Variants in CYP4V2 observed in about 807,000 individuals in gnomAD.
The protein encoded by CYP4V2 is cytochrome P450 4V2.
CYP4V2 carries 55 observed loss-of-function variants against 60.8 expected under a neutral mutation model. The ratio of observed to expected loss-of-function variants is 0.90; its 90% CI spans 0.73 to 1.13. CYP4V2 has a LOEUF of 1.13. Ranked by LOEUF, CYP4V2 falls within the 50% of genes most tolerant of loss-of-function variation. The probability of loss-of-function intolerance (pLI) is 0.00; values close to 1 mark genes in which losing one functional copy is unlikely to be tolerated. For synonymous variants in CYP4V2, 239 were observed against 236.8 expected (o/e 1.01, Z -0.08); for missense variants, 675 against 662.9 (o/e 1.02, Z -0.20).
intron 3 of CYP4V2, 176 bp downstream of exon 3, chr4:186,196,264 G>C: frequency 1.5e-6 from 1 of 665,468 alleles, no homozygotes; most frequent in Non-Finnish European, 2.7e-6. Context: ...CCCGTCAAGA[G>C]GCCAAGAGTC....
intron 7 of CYP4V2, chr4:186,204,824 C>T (rs1336235946): frequency 5.7e-6 from 2 of 351,200 alleles, no homozygotes; most frequent in East Asian, 1.4e-4. Context: ...AGGTGAGGCC[C>T]ACCTGACAGA....
chr4:186,205,361 C>A, intron 8 of CYP4V2, 59 bp downstream of exon 8: 1 of 1,506,190 alleles, frequency 6.6e-7, no homozygotes, highest in Non-Finnish European at 9.2e-7. Flanking sequence ...AGAGATGTCA[C>A]TGTGTTGTAA....
Position 186,201,169 on chromosome 4 carries a change from C to T in CYP4V2, c.814C>T (p.Arg272Trp), listed in dbSNP as rs751518582. ...HTFTNSVIAE[R>W]ANEMNANEDC... ...TCAAATCATACAGGTCATCGCTGAA[C>T]GGGCCAATGAAATGAACGCCAATGA... The change falls in exon 7 of 11, where the codon CGG (arginine) becomes TGG (tryptophan). Residue 272 changes from arginine to tryptophan, a missense_variant. By Grantham distance (101) the Arg-to-Trp change is moderately radical. Coordinates refer to ENST00000378802, the MANE Select transcript of CYP4V2 (RefSeq NM_207352.4). 16 of 1,614,004 alleles carry T rather than the reference C, an allele frequency of 9.9e-6. No homozygotes were observed. Among genetic ancestry groups the T allele is most frequent in the Middle Eastern group, 1.6e-4 (1 of 6,084 alleles).
rs1214733834 is a variant in CYP4V2, at chr4:186,195,233, G to A, written c.327+621G>A. On this transcript the variant is annotated intron_variant, in intron 2 of 10. Coordinates refer to ENST00000378802, the MANE Select transcript of CYP4V2 (RefSeq NM_207352.4). The surrounding 1 kb of genome is among the most constrained non-coding windows in gnomAD (Gnocchi z 4.1). ...CAAAATTAAAGACTGAATTTCCTAG[G>A]AAGTAGTGCCAGGACATGTCTTTCT... Among the ~76,000 whole-genome samples, 1 of 152,196 alleles carries A rather than the reference G, an allele frequency of 6.6e-6. No individual in the cohort carries two copies.
At chr4:186,198,010 G>A (rs910883085) in intron 5 of CYP4V2, among the ~76,000 whole-genome samples, 1 of 152,136 alleles carries the variant, frequency 6.6e-6, no homozygotes, top group Non-Finnish European at 1.5e-5. Context: ...TCATTCTTGT[G>A]CTTTCCTTTT....
intron 5 of CYP4V2, 75 bp from the exon 6 acceptor site, chr4:186,198,882 G>A (rs969548066): frequency 6.2e-7 from 1 of 1,608,810 alleles, no homozygotes; most frequent in Admixed American, 1.7e-5. Context: ...CTTCATCAAG[G>A]CCAGGTACTA....
chr4:186,195,673 C>T lies in CYP4V2; in HGVS notation c.328-330C>T, dbSNP rs72646251. 2.4e-3 allele frequency among the ~76,000 whole-genome samples: 368 copies of T among 152,162 alleles called. 1 individual carries two copies. Among genetic ancestry groups the T allele is most frequent in the Middle Eastern group, 0.01 (3 of 294 alleles). On this transcript the variant is annotated intron_variant, in intron 2 of 10. Transcript: ENST00000378802. This position sits in a 1 kb window ranked among gnomAD's most constrained non-coding sequence, Gnocchi z 4.1. Reference sequence around the variant, plus strand: ...ATGATTTCCATCTCCCCACATGTGCCCACCCTCCAGATTCGCCTCCTCCCA... The same window carrying T: ...ATGATTTCCATCTCCCCACATGTGCTCACCCTCCAGATTCGCCTCCTCCCA...
chr4:186,205,761 G>A (rs1374575690), intron 8 of CYP4V2, among the ~76,000 whole-genome samples: 1 of 152,210 alleles, frequency 6.6e-6, no homozygotes, highest in East Asian at 1.9e-4. Flanking sequence ...CAGCCCGGAG[G>A]AAAAGTCCTG....
At chr4:186,196,615 A>G in intron 3 of CYP4V2, 1 of 321,980 alleles carries the variant, frequency 3.1e-6, no homozygotes, top group South Asian at 3.5e-5. Context: ...TATTGATGGA[A>G]GGAGAAATAA....
At chr4:186,196,796 A>G (rs1736160857) in intron 3 of CYP4V2, 144 bp from the exon 4 acceptor site, 6 of 727,258 alleles carry the variant, frequency 8.3e-6, no homozygotes, top group Non-Finnish European at 1.1e-5. Context: ...TGCCAAAAGC[A>G]TTTGAGAACC....
Position 186,197,115 on chromosome 4 carries a change from T to G in CYP4V2, c.589T>G (p.Leu197Val). The G allele has an allele frequency of 6.2e-7, 1 of 1,613,878 alleles. No individual in the cohort carries two copies. Among genetic ancestry groups the G allele is most frequent in the Non-Finnish European group, 8.5e-7 (1 of 1,180,024 alleles). ...CTTTTTTTACATCACTCTTTGTGCC[T>G]TAGATATCATCTGTGGTGAGTCTCA... ...NCFFYITLCA[L>V]DIICETAMGK... Residue 197 changes from leucine (L) to valine (V), a missense_variant, in exon 4 of 11, where the codon TTA becomes GTA. Coordinates refer to ENST00000378802, the MANE Select transcript of CYP4V2 (RefSeq NM_207352.4).
intron 6 of CYP4V2, 65 bp downstream of exon 6, chr4:186,199,148 T>C (rs1029768377): frequency 4.6e-6 from 7 of 1,523,380 alleles, no homozygotes; most frequent in Middle Eastern, 1.7e-4. Context: ...TTTATAACCA[T>C]TTTAACTGTA....
chr4:186,207,907 C>T (rs531098406), intron 8 of CYP4V2, among the ~76,000 whole-genome samples: 1 of 152,288 alleles, frequency 6.6e-6, no homozygotes, highest in Non-Finnish European at 1.5e-5. Flanking sequence ...CCTTTAGTGT[C>T]TGTTTATTTT....
At chr4:186,196,300 G>C in intron 3 of CYP4V2, 1 of 600,022 alleles carries the variant, frequency 1.7e-6, no homozygotes, top group South Asian at 1.9e-5. Flanking sequence ...CTTCAGCTGT[G>C]GTATTCAATA....
intron 8 of CYP4V2, among the ~76,000 whole-genome samples, chr4:186,206,320 T>C (rs1040106989): frequency 1.1e-4 from 16 of 152,168 alleles, no homozygotes; most frequent in Non-Finnish European, 1.2e-4. Flanking sequence ...CACTGTAAGA[T>C]CTTTAATTTA....
intron 8 of CYP4V2, among the ~76,000 whole-genome samples, chr4:186,206,568 G>A (rs1736512434): frequency 6.6e-6 from 1 of 152,202 alleles, no homozygotes; most frequent in Non-Finnish European, 1.5e-5. Flanking sequence ...GAGAAGCAGG[G>A]AAAGAAAACT....
intron 6 of CYP4V2, among the ~76,000 whole-genome samples, chr4:186,199,973 A>T (rs2292430): frequency 0.41 from 62,309 of 151,770 alleles, 12,978 homozygotes; most frequent in South Asian, 0.55. Flanking sequence ...ATAAATCAGT[A>T]GATGTTCCAT....
rs759445878 is a variant in CYP4V2, at chr4:186,201,258, C to T, written c.903C>T (p.Asp301=). The T allele has an allele frequency of 5.0e-6, 8 of 1,614,098 alleles. No individual in the cohort carries two copies. Among genetic ancestry groups the T allele is most frequent in the South Asian group, 4.4e-5 (4 of 91,076 alleles). ...AAAATAAACGCAGGGCCTTTCTTGA[C>T]TTGCTTTTAAGTGTGACTGATGACG... ...PSKNKRRAFL[D]LLLSVTDDEG... Residue 301 remains aspartate (D), a synonymous_variant, in exon 7 of 11, where the codon GAC becomes GAT. Coordinates refer to ENST00000378802, the MANE Select transcript of CYP4V2 (RefSeq NM_207352.4).
chr4:186,197,649 G>C (rs930980339), intron 5 of CYP4V2, 47 bp downstream of exon 5: 1 of 1,589,666 alleles, frequency 6.3e-7, no homozygotes, highest in South Asian at 1.1e-5. Context: ...ATTGATTTAG[G>C]CTTTAAAAAT....
Sources: allele counts gnomAD v4.1 joint callset (sites outside exome capture counted in the v4.1 genomes callset), GRCh38; gene constraint gnomAD v4.1.1; non-coding constraint Gnocchi (gnomAD v3.1); transcripts MANE v1.5; gene names NCBI Gene and HGNC (gene_info 2026-07-23, HGNC 2026-07-21).